Variants in FASTKD5 observed in about 807,000 individuals in gnomAD.
The protein encoded by FASTKD5 is FAST kinase domains 5, also known as non-canonical pre-mRNAs endonuclease FASTKD5, mitochondrial.
Under a neutral mutation model 44.0 loss-of-function variants are expected in FASTKD5, and 30 were observed. The ratio of observed to expected loss-of-function variants is 0.68; its 90% CI spans 0.51 to 0.93. FASTKD5 has a LOEUF of 0.93. Ranked by LOEUF, FASTKD5 falls within the 40% of genes least tolerant of loss-of-function variation. FASTKD5 has a pLI of 0.00. For missense variants in FASTKD5, 868 were observed against 908.2 expected (o/e 0.96, Z 0.57); for synonymous variants, 335 against 342.2 (o/e 0.98, Z 0.23).
In FASTKD5 at chr20:3,147,518, T is replaced by G; in HGVS notation, c.1553A>C (p.Asp518Ala). 6.2e-7 allele frequency: 1 copy of G among 1,614,218 alleles called. No homozygotes were observed. The highest frequency in any genetic ancestry group is 8.5e-7 in the Non-Finnish European group (1 of 1,180,048). ...FDLLKELYTLDGTVGIECPDY... is the reference protein window; with the variant it reads ...FDLLKELYTLAGTVGIECPDY... ...TGGACACTCAATGCCAACTGTACCA[T>G]CGAGGGTATATAGTTCCTTAAGGAG... is the stretch of plus-strand genomic sequence containing the variant. Residue 518 changes from aspartate (D) to alanine (A), a missense_variant, in exon 2 of 2, where the codon GAT becomes GCT. Physicochemically the swap from Asp to Ala is moderately radical, Grantham distance 126. Transcript: ENST00000380266.
At chr20:3,152,882 G>A (rs1344204601) in intron 1 of FASTKD5, among the ~76,000 whole-genome samples, 1 of 151,748 alleles carries the variant, frequency 6.6e-6, no homozygotes, top group Non-Finnish European at 1.5e-5. Context: ...TTGCAGCCTG[G>A]GCGAAAGAGC....
chr20:3,151,879 C>G (rs924913041), intron 1 of FASTKD5: 17 of 151,062 alleles, frequency 1.1e-4, no homozygotes, highest in Non-Finnish European at 2.1e-4. Context: ...CCAAGGCAGG[C>G]AGATCACTTG....
At chr20:3,156,614 C>G (rs1316343829) in intron 1 of FASTKD5, 1 of 152,314 alleles carries the variant, frequency 6.6e-6, no homozygotes, top group African/African-American at 2.4e-5. Flanking sequence ...CTCCTGGACC[C>G]TGTCAGTTCC....
chr20:3,152,240 G>A (rs2066636252), intron 1 of FASTKD5, among the ~76,000 whole-genome samples: 1 of 151,912 alleles, frequency 6.6e-6, no homozygotes, highest in Non-Finnish European at 1.5e-5. Context: ...CAGCACTTTG[G>A]GAGGCTGAGG....
chr20:3,153,410 A>G (rs907372118), intron 1 of FASTKD5, among the ~76,000 whole-genome samples: 3 of 152,264 alleles, frequency 2.0e-5, no homozygotes, highest in Non-Finnish European at 2.9e-5. Flanking sequence ...TCCCATCCTT[A>G]TAACATCTCT....
chr20:3,156,963 TA>T (rs1344690401), intron 1 of FASTKD5, among the ~76,000 whole-genome samples: 9 of 152,012 alleles, frequency 5.9e-5, no homozygotes, highest in African/African-American at 2.2e-4. Context: ...CCTTAAGAAT[TA>T]AAAAGGCAAA....
chr20:3,147,514 A>G lies in FASTKD5; in HGVS notation c.1557T>C (p.Gly519=). 6.2e-7 allele frequency: 1 copy of G among 1,614,242 alleles called. No individual in the cohort carries two copies. Among genetic ancestry groups the G allele is most frequent in the South Asian group, 1.1e-5 (1 of 91,088 alleles). ...AATCTGGACACTCAATGCCAACTGT[A>G]CCATCGAGGGTATATAGTTCCTTAA... ...DLLKELYTLD[G]TVGIECPDYR... is the part of the protein sequence containing the mutation. The change falls in exon 2 of 2, where the codon GGT becomes GGC. Residue 519 remains glycine, a synonymous_variant. Transcript: ENST00000380266.
In FASTKD5 at chr20:3,148,982, T is replaced by C. The variant is rs760552756; in HGVS notation, c.89A>G (p.Tyr30Cys). 9 of 1,614,084 alleles carry C rather than the reference T, an allele frequency of 5.6e-6. No individual in the cohort carries two copies. The South Asian group carries it at 9.9e-5, about 18-fold the overall frequency. Residue 30 changes from tyrosine to cysteine, a missense_variant, in exon 2 of 2, where the codon TAC becomes TGC. By Grantham distance (194) the Tyr-to-Cys change is radical. Transcript: ENST00000380266. ...SAFGAVRSVS[Y>C]WNVSSTQHGG... ...ATGCTGTGTGCTGCTCACATTCCAG[T>C]ATGACACACTTCGGACTGCACCAAA...
At chr20:3,150,826 G>A (rs191609790) in intron 1 of FASTKD5, 1 of 152,322 alleles carries the variant, frequency 6.6e-6, no homozygotes, top group Admixed American at 6.5e-5. Flanking sequence ...GTGAATCAGA[G>A]CAGAATTCTC....
intron 1 of FASTKD5, among the ~76,000 whole-genome samples, chr20:3,150,227 T>C (rs1479059971): frequency 1.3e-5 from 2 of 152,072 alleles, no homozygotes; most frequent in African/African-American, 2.4e-5. Flanking sequence ...TTAGAAAGTA[T>C]ACTAAAAAAC....
chr20:3,152,700 G>T (rs1313460653), intron 1 of FASTKD5, among the ~76,000 whole-genome samples: 5 of 152,034 alleles, frequency 3.3e-5, no homozygotes, highest in Non-Finnish European at 7.4e-5. Flanking sequence ...TTGAGGACAG[G>T]AGTTCAAGAC....
intron 1 of FASTKD5, among the ~76,000 whole-genome samples, chr20:3,152,751 T>C (rs2066644402): frequency 4.0e-5 from 6 of 151,352 alleles, no homozygotes; most frequent in Admixed American, 4.0e-4. Flanking sequence ...CTACTAAAAA[T>C]ACAAAAATTA....
intron 1 of FASTKD5, among the ~76,000 whole-genome samples, chr20:3,159,529 G>A (rs1024376020): frequency 3.3e-5 from 5 of 152,210 alleles, no homozygotes; most frequent in Admixed American, 6.5e-5. Context: ...AAAAATCAAG[G>A]GTCAGATAAG....
chr20:3,154,676 A>T (rs1011677979), intron 1 of FASTKD5, among the ~76,000 whole-genome samples: 8 of 152,212 alleles, frequency 5.3e-5, no homozygotes, highest in African/African-American at 1.4e-4. Context: ...CCTATCTCAA[A>T]AAATAAATAA....
chr20:3,146,596 A>C lies in FASTKD5; in HGVS notation c.*180T>G, dbSNP rs2066565279. The C allele has an allele frequency of 3.0e-6, 2 of 661,424 alleles. No homozygotes were observed. The allele number at this position is 661,424 out of a possible 1,614,324, so 41.0% of individuals were successfully genotyped here. On this transcript the variant is annotated 3_prime_UTR_variant, in exon 2 of 2. Coordinates refer to ENST00000380266, the MANE Select transcript of FASTKD5 (RefSeq NM_021826.5). ...GTATACATTTGCAGTAATTTGTACA[A>C]TCCAACTACATTACAATTCACAGTA...
Position 3,147,070 on chromosome 20 carries a change from G to T in FASTKD5, c.2001C>A (p.Gly667=), listed in dbSNP as rs751431569. The part of the protein sequence containing the change: ...LENKAAVPLG[G]FLCNVADKSG... ...ATTTATCTGCTACATTGCAAAGGAA[G>T]CCCCCCAGAGGTACAGCTGCCTTAT... The change falls in exon 2 of 2, where the codon GGC becomes GGA. Residue 667 remains glycine, a synonymous_variant. Coordinates refer to ENST00000380266, the MANE Select transcript of FASTKD5 (RefSeq NM_021826.5). 6.2e-7 allele frequency: 1 copy of T among 1,614,160 alleles called. No individual in the cohort carries two copies. The highest frequency in any genetic ancestry group is 8.5e-7 in the Non-Finnish European group (1 of 1,180,046).
chr20:3,149,007 A>C lies in FASTKD5; in HGVS notation c.64T>G (p.Phe22Val). 2 of 1,613,944 alleles carry C rather than the reference A, an allele frequency of 1.2e-6. No homozygotes were observed. Among genetic ancestry groups the C allele is most frequent in the Non-Finnish European group, 1.7e-6 (2 of 1,179,962 alleles). Reference sequence around the variant, plus strand: ...TATGACACACTTCGGACTGCACCAAAGGCAGAAGGACTGCAAAATGCTCGG... The same window carrying C: ...TATGACACACTTCGGACTGCACCAACGGCAGAAGGACTGCAAAATGCTCGG... ...RYRAFCSPSAFGAVRSVSYWN... is the reference protein window; with the variant it reads ...RYRAFCSPSAVGAVRSVSYWN... The change falls in exon 2 of 2, where the codon TTT becomes GTT. Residue 22 changes from phenylalanine to valine, a missense_variant. Physicochemically the swap from Phe to Val is conservative, Grantham distance 50. Transcript: ENST00000380266. The surrounding 1 kb of genome is among the most constrained non-coding windows in gnomAD (Gnocchi z 4.1).
At chr20:3,159,608 C>A (rs757101833) in intron 1 of FASTKD5, among the ~76,000 whole-genome samples, 158 bp downstream of exon 1, 2 of 152,270 alleles carry the variant, frequency 1.3e-5, no homozygotes, top group African/African-American at 4.8e-5. Flanking sequence ...GCCAGGCCTG[C>A]GAGAGGCACT....
At chr20:3,151,941 C>T (rs1343768926) in intron 1 of FASTKD5, 5 of 151,368 alleles carry the variant, frequency 3.3e-5, no homozygotes, top group Non-Finnish European at 7.4e-5. Context: ...CCTATCTCTA[C>T]TACAAATACA....
Sources: gnomAD v4.1 joint callset for allele counts (sites outside exome capture counted in the v4.1 genomes callset) on GRCh38, gnomAD v4.1.1 for gene constraint, Gnocchi (gnomAD v3.1) non-coding constraint, MANE v1.5 for transcripts, NCBI Gene and HGNC (gene_info 2026-07-23, HGNC 2026-07-21) for gene names.